AKAP19: variants seen among roughly 807,000 people sequenced by gnomAD.
AKAP19 encodes the protein small A-kinase anchoring protein.
At chr2:190,062,709 A>G in the AKAP19 span, 6 of 961,634 alleles carry the variant, frequency 6.2e-6, no homozygotes, top group South Asian at 8.0e-5. Flanking sequence ...CTGAGAGACA[A>G]CTTGCCACAC....
the AKAP19 span, among the ~76,000 whole-genome samples, chr2:190,039,323 C>T: frequency 6.6e-6 from 1 of 152,184 alleles, no homozygotes; most frequent in African/African-American, 2.4e-5. Context: ...AGGTGATCCA[C>T]TGGCCTCGGC....
At chr2:190,195,078 G>A in the AKAP19 span, among the ~76,000 whole-genome samples, 5 of 152,200 alleles carry the variant, frequency 3.3e-5, no homozygotes, top group South Asian at 2.1e-4. Flanking sequence ...TGCCTAGGCT[G>A]GTCTTGAACT....
At chr2:190,093,302 G>A in the AKAP19 span, among the ~76,000 whole-genome samples, 4 of 151,934 alleles carry the variant, frequency 2.6e-5, no homozygotes, top group Non-Finnish European at 5.9e-5. Flanking sequence ...GAGTGGTGGT[G>A]GACGCCTGTA....
the AKAP19 span, among the ~76,000 whole-genome samples, chr2:190,014,829 G>A: frequency 6.6e-6 from 1 of 152,134 alleles, no homozygotes; most frequent in African/African-American, 2.4e-5. Flanking sequence ...CCAAAACAAA[G>A]GGGCTACAGG....
chr2:190,116,301 G>A, the AKAP19 span, among the ~76,000 whole-genome samples: 1 of 152,148 alleles, frequency 6.6e-6, no homozygotes, highest in African/African-American at 2.4e-5. Context: ...TCTGGTGAGG[G>A]CCTTCTTGCT....
chr2:190,013,204 T>A, the AKAP19 span, among the ~76,000 whole-genome samples: 1 of 152,326 alleles, frequency 6.6e-6, no homozygotes, highest in East Asian at 1.9e-4. Context: ...ATTTTTACAC[T>A]GTTTGGTAGA....
At chr2:190,154,223 A>G in the AKAP19 span, among the ~76,000 whole-genome samples, 2 of 152,182 alleles carry the variant, frequency 1.3e-5, no homozygotes, top group Admixed American at 6.5e-5. Flanking sequence ...GTTTTCCTGG[A>G]AAAATCATTT....
At chr2:190,013,574 G>A in the AKAP19 span, among the ~76,000 whole-genome samples, 19 of 151,876 alleles carry the variant, frequency 1.3e-4, no homozygotes, top group African/African-American at 3.6e-4. Flanking sequence ...GGAGTGCAGC[G>A]GCGTGATCTT....
At chr2:189,882,739 G>A in the AKAP19 span, among the ~76,000 whole-genome samples, 2 of 152,056 alleles carry the variant, frequency 1.3e-5, no homozygotes, top group Non-Finnish European at 2.9e-5. Context: ...CAACAGAACT[G>A]TTTTAGGGTA....
the AKAP19 span, among the ~76,000 whole-genome samples, chr2:189,915,266 C>T: frequency 2.0e-5 from 3 of 152,038 alleles, no homozygotes; most frequent in Admixed American, 1.3e-4. Flanking sequence ...CTAAAAATAA[C>T]CTTTGCTTCT....
At chr2:190,200,242 C>CG in the AKAP19 span, 1 of 1,001,340 alleles carries the variant, frequency 1.0e-6, no homozygotes, top group Non-Finnish European at 1.5e-6. Flanking sequence ...AAATAACTAT[C>CG]TGGATTTAAA....
chr2:189,925,049 G>C, the AKAP19 span, among the ~76,000 whole-genome samples: 2 of 152,058 alleles, frequency 1.3e-5, no homozygotes, highest in Non-Finnish European at 2.9e-5. Flanking sequence ...TAACCTTGAG[G>C]GAGGGGGTTT....
chr2:189,997,095 A>T, the AKAP19 span, among the ~76,000 whole-genome samples: 1 of 152,312 alleles, frequency 6.6e-6, no homozygotes, highest in African/African-American at 2.4e-5. Flanking sequence ...AAGTTGTCAT[A>T]TGGAGAGACT....
the AKAP19 span, among the ~76,000 whole-genome samples, chr2:190,195,337 C>T: frequency 1.3e-5 from 2 of 151,136 alleles, no homozygotes; most frequent in African/African-American, 4.8e-5. Context: ...TGGGTAAATA[C>T]CAAGAAGCAG....
the AKAP19 span, among the ~76,000 whole-genome samples, chr2:190,032,042 G>A: frequency 6.6e-6 from 1 of 152,074 alleles, no homozygotes; most frequent in African/African-American, 2.4e-5. Context: ...TCTTATGGAT[G>A]ATTATATATG....
the AKAP19 span, among the ~76,000 whole-genome samples, chr2:190,115,862 A>G: frequency 1.3e-5 from 2 of 151,936 alleles, no homozygotes; most frequent in Non-Finnish European, 2.9e-5. Context: ...GCTCTATCCT[A>G]TTTTCACATG....
At chr2:190,048,565 T>A in the AKAP19 span, among the ~76,000 whole-genome samples, 1 of 152,200 alleles carries the variant, frequency 6.6e-6, no homozygotes. Flanking sequence ...TCCCCCCACG[T>A]ACAACTAGTA....
the AKAP19 span, among the ~76,000 whole-genome samples, chr2:190,031,402 T>C: frequency 1.3e-5 from 2 of 152,218 alleles, no homozygotes; most frequent in Non-Finnish European, 1.5e-5. Flanking sequence ...TTATATCCAA[T>C]TGATGGACTA....
the AKAP19 span, among the ~76,000 whole-genome samples, chr2:189,934,739 T>C: frequency 1.3e-5 from 2 of 151,478 alleles, no homozygotes; most frequent in African/African-American, 4.8e-5. Context: ...ATAGATCATT[T>C]AGAATATAAA....
Sources: gnomAD v4.1 joint callset for allele counts (sites outside exome capture counted in the v4.1 genomes callset) on GRCh38, gnomAD v4.1.1 for gene constraint, MANE v1.5 for transcripts, NCBI Gene and HGNC (gene_info 2026-07-23, HGNC 2026-07-21) for gene names.